UAP1: variants seen among roughly 807,000 people sequenced by gnomAD.
UAP1 encodes the protein UDP-N-acetylhexosamine pyrophosphorylase.
In UAP1, 25 loss-of-function variants were observed where a neutral mutation model predicts 58.5. That is an observed-to-expected ratio of 0.43 (90% CI 0.31 to 0.60). The LOEUF is 0.60. Ranked by LOEUF, UAP1 falls within the 20% of genes least tolerant of loss-of-function variation. UAP1 has a pLI of 0.11. For synonymous variants in UAP1, 208 were observed against 213.0 expected, an observed-to-expected ratio of 0.98 and a Z score of 0.21; for missense variants, 575 against 630.0, an observed-to-expected ratio of 0.91 and a Z score of 0.93.
At chr1:162,564,825 T>C (rs751583126) in intron 1 of UAP1, among the ~76,000 whole-genome samples, 1 of 152,198 alleles carries the variant, frequency 6.6e-6, no homozygotes, top group Non-Finnish European at 1.5e-5. Flanking sequence ...TTCTTACTGC[T>C]TTCCATCCCA....
intron 8 of UAP1, among the ~76,000 whole-genome samples, chr1:162,590,981 T>C (rs1024943054): frequency 4.0e-5 from 6 of 151,318 alleles, no homozygotes; most frequent in Non-Finnish European, 8.8e-5. Context: ...TGGAGTGCAG[T>C]GGCACAGTCT....
At chr1:162,592,084 G>A (rs375497624) in intron 8 of UAP1, among the ~76,000 whole-genome samples, 121 of 152,282 alleles carry the variant, frequency 7.9e-4, no homozygotes, top group African/African-American at 2.7e-3. Context: ...ATGGCTGGCT[G>A]CAAGAATGCC....
chr1:162,586,739 C>T (rs1340793224), intron 5 of UAP1, among the ~76,000 whole-genome samples: 1 of 152,158 alleles, frequency 6.6e-6, no homozygotes, highest in African/African-American at 2.4e-5. Flanking sequence ...AATTTTCCCT[C>T]TGATTTTAGT....
chr1:162,582,820 A>G (rs893665943), intron 5 of UAP1, among the ~76,000 whole-genome samples: 47 of 152,294 alleles, frequency 3.1e-4, no homozygotes, highest in African/African-American at 1.0e-3. Context: ...TTTTATGCAA[A>G]GTCTCATTGG....
intron 3 of UAP1, among the ~76,000 whole-genome samples, chr1:162,578,707 G>A (rs1654365305): frequency 6.6e-6 from 1 of 151,992 alleles, no homozygotes; most frequent in Admixed American, 6.6e-5. Context: ...AAATATCCAG[G>A]ATAATTTGTT....
chr1:162,563,323 C>T (rs1024528359), intron 1 of UAP1, among the ~76,000 whole-genome samples: 2 of 152,012 alleles, frequency 1.3e-5, no homozygotes, highest in East Asian at 1.9e-4. Context: ...CAGTGGTTTA[C>T]GCCCAGATAT....
intron 5 of UAP1, among the ~76,000 whole-genome samples, chr1:162,585,434 T>A (rs1030155707): frequency 6.0e-5 from 9 of 150,902 alleles, no homozygotes; most frequent in East Asian, 2.0e-4. Context: ...TTTTTTTTTT[T>A]AATTTTCAGT....
chr1:162,595,662 C>T (rs1032596524), intron 9 of UAP1, among the ~76,000 whole-genome samples: 2 of 152,110 alleles, frequency 1.3e-5, no homozygotes, highest in Non-Finnish European at 2.9e-5. Flanking sequence ...ATCCTAGGTG[C>T]TGAAGTATCT....
intron 7 of UAP1, among the ~76,000 whole-genome samples, chr1:162,589,283 AAT>A (rs1655152926): frequency 7.6e-6 from 1 of 130,992 alleles, no homozygotes; most frequent in Non-Finnish European, 1.6e-5. Context: ...AATATATATA[AAT>A]ATATATTGTT....
chr1:162,582,964 T>G (rs1236441698), intron 5 of UAP1, among the ~76,000 whole-genome samples: 1 of 141,622 alleles, frequency 7.1e-6, no homozygotes, highest in African/African-American at 2.6e-5. Context: ...TCCAATACTC[T>G]GTGAGTATCT....
At chr1:162,599,170 C>CT (rs1557983793) in intron 10 of UAP1, 101 bp from the exon 11 acceptor site, 2 of 648,996 alleles carry the variant, frequency 3.1e-6, no homozygotes, top group Non-Finnish European at 5.2e-6. Context: ...GCATCTCAAC[C>CT]TTTTTTGGCA....
chr1:162,572,734 T>C (rs945204346), intron 2 of UAP1, among the ~76,000 whole-genome samples: 1 of 152,228 alleles, frequency 6.6e-6, no homozygotes, highest in South Asian at 2.1e-4. Flanking sequence ...AGGAGTTCTT[T>C]ATCTGCATTT....
chr1:162,580,810 A>T (rs1654533495), intron 4 of UAP1, among the ~76,000 whole-genome samples: 1 of 152,240 alleles, frequency 6.6e-6, no homozygotes, highest in South Asian at 2.1e-4. Flanking sequence ...CGTTTAAATC[A>T]CCTTAGGCCT....
At chr1:162,571,233 A>G (rs1351049842) in intron 2 of UAP1, among the ~76,000 whole-genome samples, 3 of 151,442 alleles carry the variant, frequency 2.0e-5, no homozygotes, top group Admixed American at 6.6e-5. Flanking sequence ...GGTTCAAGCC[A>G]TTCTCCTGTC....
chr1:162,591,550 A>G (rs1655310939), intron 8 of UAP1, among the ~76,000 whole-genome samples: 1 of 152,000 alleles, frequency 6.6e-6, no homozygotes, highest in African/African-American at 2.4e-5. Flanking sequence ...CAATGGCACA[A>G]TCTCTGCCCA....
chr1:162,566,290 A>C, exon 2 of UAP1: 1 of 1,614,186 alleles, frequency 6.2e-7, no homozygotes, highest in Non-Finnish European at 8.5e-7. Context: ...CTGTGCCTCG[A>C]GAGGTATTAG....
At chr1:162,575,015 G>T (rs1272874189) in intron 2 of UAP1, among the ~76,000 whole-genome samples, 1 of 152,190 alleles carries the variant, frequency 6.6e-6, no homozygotes, top group Non-Finnish European at 1.5e-5. Context: ...GATAGTCTGA[G>T]TCTTACATTC....
At chr1:162,572,280 A>G (rs1344176436) in intron 2 of UAP1, among the ~76,000 whole-genome samples, 1 of 152,244 alleles carries the variant, frequency 6.6e-6, no homozygotes, top group Non-Finnish European at 1.5e-5. Context: ...CTGGTTAGCA[A>G]AACTTTAAAT....
chr1:162,591,203 G>GCACA (rs1655290744), intron 8 of UAP1, among the ~76,000 whole-genome samples: 3 of 152,064 alleles, frequency 2.0e-5, no homozygotes, highest in Non-Finnish European at 4.4e-5. Context: ...GGGATTACAG[G>GCACA]TGTGAGCCAC....
Sources: gnomAD v4.1 joint callset for allele counts (sites outside exome capture counted in the v4.1 genomes callset) on GRCh38, gnomAD v4.1.1 for gene constraint, MANE v1.5 for transcripts, NCBI Gene and HGNC (gene_info 2026-07-23, HGNC 2026-07-21) for gene names.